TIE1: variants seen among roughly 807,000 people sequenced by gnomAD.
TIE1 encodes tyrosine kinase with immunoglobulin like and EGF like domains 1.
In TIE1, 89 loss-of-function variants were observed where a neutral mutation model predicts 130.5. That is an observed-to-expected ratio of 0.68 (90% CI 0.57 to 0.81). TIE1 has a LOEUF of 0.81. Ranked by LOEUF, TIE1 falls within the 40% of genes least tolerant of loss-of-function variation. The probability of loss-of-function intolerance (pLI) is 0.00; values close to 1 mark genes in which losing one functional copy is unlikely to be tolerated. For missense variants in TIE1, 1,392 were observed against 1,559.8 expected, an observed-to-expected ratio of 0.89 and a Z score of 1.81; for synonymous variants, 568 against 629.4, an observed-to-expected ratio of 0.90 and a Z score of 1.46.
chr1:43,307,742 G>A lies in TIE1; in HGVS notation c.914-54G>A. 2 of 1,609,700 alleles carry A rather than the reference G, an allele frequency of 1.2e-6. No individual in the cohort carries two copies. The highest frequency in any genetic ancestry group is 1.7e-5 in the Admixed American group (1 of 59,886). ...GTGCCCCATCTGCGCCCTCATCTGT[G>A]CCCTCATTGCCCCCTGTCCCATGCC... is the stretch of plus-strand genomic sequence containing the variant. On this transcript the variant is annotated intron_variant, in intron 6 of 22. Coordinates refer to ENST00000372476, the MANE Select transcript of TIE1 (RefSeq NM_005424.5). This position sits in a 1 kb window ranked among gnomAD's most constrained non-coding sequence, Gnocchi z 5.4.
intron 1 of TIE1, 94 bp from the exon 2 acceptor site, chr1:43,304,757 G>T: frequency 7.8e-7 from 1 of 1,284,968 alleles, no homozygotes; most frequent in South Asian, 2.2e-5. Flanking sequence ...CTGAGTGGAC[G>T]GTGGATCAGT....
chr1:43,317,218 A>G lies in TIE1; in HGVS notation c.2429A>G (p.Gln810Arg), dbSNP rs1165351698. 6.2e-7 allele frequency: 1 copy of G among 1,613,974 alleles called. No homozygotes were observed. Among genetic ancestry groups the G allele is most frequent in the Non-Finnish European group, 8.5e-7 (1 of 1,180,038 alleles). ...QSGSGEETIL[Q>R]FSSGTLTLTR... ...GTGAAGGGCGAGGAGACCATCCTGCAGTTCAGCTCAGGGACCTTGACACTT... is the reference window on the plus strand; with the variant it reads ...GTGAAGGGCGAGGAGACCATCCTGCGGTTCAGCTCAGGGACCTTGACACTT... Residue 810 changes from glutamine (Q) to arginine (R), a missense_variant, in exon 15 of 23, where the codon CAG becomes CGG. Coordinates refer to ENST00000372476, the MANE Select transcript of TIE1 (RefSeq NM_005424.5). The surrounding 1 kb of genome is among the most constrained non-coding windows in gnomAD (Gnocchi z 5.1).
chr1:43,304,936 CG>C lies in TIE1; in HGVS notation c.148del (p.Ala50ArgfsTer87). On this transcript the variant is annotated frameshift_variant, in exon 2 of 23. Transcript: ENST00000372476. LOFTEE classifies it high-confidence loss of function. ...TCCTGACTTGCGTGTCTGGGGAGGC[CG>C]GGGCGGGGAGGGGCTCGGACGCCTG... ...FFLTCVSGEA[G>X]AGRGSDAWGP... 2 of 1,445,232 alleles carry C rather than the reference CG, an allele frequency of 1.4e-6. No homozygotes were observed. 89.5% of individuals were successfully genotyped at this position (1,445,232 alleles called of 1,614,324 possible).
Position 43,307,830 on chromosome 1 carries a change from A to G in TIE1, c.948A>G (p.Arg316=). ...CTGGTCATTTTGGGGCTGATTGCCG[A>G]CTCCAGTGCCAGTGTCAGAATGGTG... ...CAPGHFGADC[R]LQCQCQNGGT... is the part of the protein sequence containing the mutation. The change falls in exon 7 of 23, where the codon CGA becomes CGG. Residue 316 remains arginine (R), a synonymous_variant. Transcript: ENST00000372476. The surrounding 1 kb of genome is among the most constrained non-coding windows in gnomAD (Gnocchi z 5.4). The G allele has an allele frequency of 6.2e-7, 1 of 1,613,476 alleles. No homozygotes were observed. The highest frequency in any genetic ancestry group is 8.5e-7 in the Non-Finnish European group (1 of 1,179,864).
At position 43,307,084 on chromosome 1, in the gene TIE1, C is replaced by A. The variant is rs753123731; in HGVS notation, c.641-58C>A. 1 of 1,613,214 alleles carries A rather than the reference C, an allele frequency of 6.2e-7. No homozygotes were observed. ...TGTGGGTCCCCTGGAGCCCCTGGATCTCCAGTCCTCAGTGGTCAGGTGGGT... is the reference window on the plus strand; with the variant it reads ...TGTGGGTCCCCTGGAGCCCCTGGATATCCAGTCCTCAGTGGTCAGGTGGGT... On this transcript the variant is annotated intron_variant, in intron 4 of 22. Transcript: ENST00000372476. This position sits in a 1 kb window ranked among gnomAD's most constrained non-coding sequence, Gnocchi z 5.4.
rs1646891903 is a variant in TIE1, at chr1:43,319,421, T to G, written c.3037-38T>G. On this transcript the variant is annotated intron_variant, in intron 18 of 22. Transcript: ENST00000372476. The surrounding 1 kb of genome is among the most constrained non-coding windows in gnomAD (Gnocchi z 4.7). The stretch of plus-strand genomic sequence containing the variant: ...CCCACAGGAGCCTCAAACAGGCCCT[T>G]CCTCCACACTCAGCCCCTCAAACCC... 1 of 1,613,292 alleles carries G rather than the reference T, an allele frequency of 6.2e-7. No homozygotes were observed. Among genetic ancestry groups the G allele is most frequent in the Non-Finnish European group, 8.5e-7 (1 of 1,179,370 alleles).
intron 7 of TIE1, 45 bp from the exon 8 acceptor site, chr1:43,308,941 G>T: frequency 6.2e-7 from 1 of 1,613,804 alleles, no homozygotes. Context: ...GTGGTCACGT[G>T]TCTGCCCCTG....
rs771232007 is a variant in TIE1 at position 43,305,116 on chromosome 1, T to G, written c.324T>G (p.Gly108=). Residue 108 remains glycine, a synonymous_variant, in exon 2 of 23, where the codon GGT becomes GGG. Transcript: ENST00000372476. ...DLVGVFSCVG[G]AGARRTRVIY... ...TGGGCGTCTTCTCCTGCGTGGGCGG[T>G]GCTGGGGCGCGGCGCACGCGCGTCA... The G allele has an allele frequency of 4.3e-6, 7 of 1,613,500 alleles. No individual in the cohort carries two copies. Among genetic ancestry groups the G allele is most frequent in the Middle Eastern group, 3.3e-4 (2 of 6,062 alleles).
chr1:43,312,329 AG>A lies in TIE1; in HGVS notation c.1658del (p.Gly553AlafsTer12), dbSNP rs1296647482. ...GAGCCTTTGTTGCAGCCGTGGTTGG[AG>A]GGCTGGCATGTGGAAGGCACTGACC... The part of the protein sequence containing the change: ...CPEPLLQPWL[E>X]GWHVEGTDRL... On this transcript the variant is annotated frameshift_variant, in exon 12 of 23. Transcript: ENST00000372476. LOFTEE classifies it high-confidence loss of function. This position sits in a 1 kb window ranked among gnomAD's most constrained non-coding sequence, Gnocchi z 5.6. The A allele has an allele frequency of 1.3e-6, 2 of 1,554,330 alleles. No homozygotes were observed.
intron 1 of TIE1, 126 bp from the exon 2 acceptor site, chr1:43,304,725 G>A: frequency 2.0e-6 from 2 of 1,010,128 alleles, no homozygotes; most frequent in Non-Finnish European, 2.6e-6. Context: ...AAGGAAGAGG[G>A]GTGAAGGTTG....
In TIE1 at chr1:43,313,017, G is replaced by C; in HGVS notation, c.1928-118G>C. ...CTGGTGGGGAGGAGGAAGTTGGCAG[G>C]GTGGCCCCTGTGCTTGGACCCACAG... is the stretch of plus-strand genomic sequence containing the variant. On this transcript the variant is annotated intron_variant, in intron 12 of 22. Coordinates refer to ENST00000372476, the MANE Select transcript of TIE1 (RefSeq NM_005424.5). This position sits in a 1 kb window ranked among gnomAD's most constrained non-coding sequence, Gnocchi z 6.2. 1 of 1,216,378 alleles carries C rather than the reference G, an allele frequency of 8.2e-7. No homozygotes were observed. The highest frequency in any genetic ancestry group is 1.1e-6 in the Non-Finnish European group (1 of 872,800). The allele number at this position is 1,216,378 out of a possible 1,614,324, so 75.3% of individuals were successfully genotyped here.
In TIE1 at chr1:43,322,836, A is replaced by G; in HGVS notation, c.*114A>G. The G allele has an allele frequency of 1.0e-6, 1 of 990,564 alleles. No homozygotes were observed. Among genetic ancestry groups the G allele is most frequent in the Non-Finnish European group, 1.5e-6 (1 of 665,210 alleles). 61.4% of individuals were successfully genotyped at this position (990,564 alleles called of 1,614,324 possible). ...TTAAGCTGCCTCAAGGAATTTTTTTAACTTAAGGGAGAAAAAAAGGGATCT... is the reference window on the plus strand; with the variant it reads ...TTAAGCTGCCTCAAGGAATTTTTTTGACTTAAGGGAGAAAAAAAGGGATCT... On this transcript the variant is annotated 3_prime_UTR_variant, in exon 23 of 23. Transcript: ENST00000372476. The surrounding 1 kb of genome is among the most constrained non-coding windows in gnomAD (Gnocchi z 4.0).
Position 43,322,871 on chromosome 1 carries a change from G to A in TIE1, c.*149G>A, listed in dbSNP as rs1247497713. Reference sequence around the variant, plus strand: ...AGAAAAAAAGGGATCTGGGGATGGGGTGGGCTTAGGGGAACTGGGTTCCCA... The same window carrying A: ...AGAAAAAAAGGGATCTGGGGATGGGATGGGCTTAGGGGAACTGGGTTCCCA... On this transcript the variant is annotated 3_prime_UTR_variant, in exon 23 of 23. Transcript: ENST00000372476. This position sits in a 1 kb window ranked among gnomAD's most constrained non-coding sequence, Gnocchi z 4.0. 1.6e-5 allele frequency: 11 copies of A among 682,144 alleles called. No homozygotes were observed. In the East Asian group the frequency reaches 3.1e-4, roughly 19 times the overall value. The allele number at this position is 682,144 out of a possible 1,614,324, so 42.3% of individuals were successfully genotyped here.
rs200239321 is a variant in TIE1 at position 43,313,450 on chromosome 1, C to T, written c.2218+25C>T. On this transcript the variant is annotated intron_variant, in intron 13 of 22. Coordinates refer to ENST00000372476, the MANE Select transcript of TIE1 (RefSeq NM_005424.5). The surrounding 1 kb of genome is among the most constrained non-coding windows in gnomAD (Gnocchi z 6.2). ...GGTGAGAGGGCAGGGCCCACAGGAC[C>T]CCCCGGGCTCTGAGCGGGGAGAGCT... 124 of 1,612,336 alleles carry T rather than the reference C, an allele frequency of 7.7e-5. No individual in the cohort carries two copies. In the East Asian group the frequency reaches 2.7e-3, roughly 35 times the overall value.
rs991879461 is a variant in TIE1, at chr1:43,309,460, A to T, written c.1261A>T (p.Ser421Cys). ...GGTGCCCCGCTTGGTTCTTGCGGAC[A>T]GTGGGTTCTGGGAGTGCCGTGTGTC... is the stretch of plus-strand genomic sequence containing the variant. ...FEVPRLVLADSGFWECRVSTS... is the reference protein window; with the variant it reads ...FEVPRLVLADCGFWECRVSTS... Residue 421 changes from serine (S) to cysteine (C), a missense_variant, in exon 9 of 23, where the codon AGT becomes TGT. Ser to Cys is a moderately radical substitution (Grantham distance 112). Coordinates refer to ENST00000372476, the MANE Select transcript of TIE1 (RefSeq NM_005424.5). This position sits in a 1 kb window ranked among gnomAD's most constrained non-coding sequence, Gnocchi z 6.3. The T allele has an allele frequency of 2.5e-6, 4 of 1,612,146 alleles. No individual in the cohort carries two copies. Among genetic ancestry groups the T allele is most frequent in the Non-Finnish European group, 3.4e-6 (4 of 1,179,218 alleles).
rs992518453 is a variant in TIE1, at chr1:43,323,063, T to G, written c.*341T>G. 8.0e-6 allele frequency: 2 copies of G among 248,742 alleles called. No individual in the cohort carries two copies. The highest frequency in any genetic ancestry group is 4.4e-5 in the African/African-American group (2 of 45,014). The allele number at this position is 248,742 out of a possible 1,614,324, so 15.4% of individuals were successfully genotyped here. ...ACATGCCCTGTTCAGCTACTCCCAC[T>G]CCCGGCCTGTCATTCAGAAAAAAAT... On this transcript the variant is annotated 3_prime_UTR_variant, in exon 23 of 23. Coordinates refer to ENST00000372476, the MANE Select transcript of TIE1 (RefSeq NM_005424.5).
intron 1 of TIE1, 59 bp from the exon 2 acceptor site, chr1:43,304,792 G>A (rs900969140): frequency 6.5e-6 from 9 of 1,375,386 alleles, no homozygotes; most frequent in Non-Finnish European, 8.4e-6. Context: ...GGGGCTGGGG[G>A]CTCTGGGGCA....
rs772122846 is a variant in TIE1 at position 43,317,986 on chromosome 1, G to T, written c.2836G>T (p.Gly946Trp). ...TGACCCAGCTTTTGCTCGAGAGCAT[G>T]GGACAGCCTCTACCCTTAGCTCCCG... ...ETDPAFAREH[G>W]TASTLSSRQL... The change falls in exon 17 of 23, where the codon GGG becomes TGG. Residue 946 changes from glycine to tryptophan, a missense_variant. By Grantham distance (184) the Gly-to-Trp change is radical. Coordinates refer to ENST00000372476, the MANE Select transcript of TIE1 (RefSeq NM_005424.5). This position sits in a 1 kb window ranked among gnomAD's most constrained non-coding sequence, Gnocchi z 5.1. 3.5e-5 allele frequency: 57 copies of T among 1,610,996 alleles called. 3 individuals are homozygous for T. The South Asian group carries it at 6.3e-4, about 18-fold the overall frequency.
At position 43,317,388 on chromosome 1, in the gene TIE1, G is replaced by A. The variant is rs1646869384; in HGVS notation, c.2599G>A (p.Ala867Thr). The change falls in exon 15 of 23, where the codon GCA becomes ACA. Residue 867 changes from alanine (A) to threonine (T), a missense_variant. Around this residue, in one of 6 missense-constraint regions of TIE1, gnomAD observed 286 missense variants for 354.4 expected, o/e 0.81. Transcript: ENST00000372476. This position sits in a 1 kb window ranked among gnomAD's most constrained non-coding sequence, Gnocchi z 5.1. ...CAAGAAGGACGGGCTGAAGATGAAC[G>A]CAGCCATCAAAATGCTGAAAGGTCC... ...MIKKDGLKMN[A>T]AIKMLKEYAS... The A allele has an allele frequency of 2.5e-6, 4 of 1,614,036 alleles. No homozygotes were observed. Among genetic ancestry groups the A allele is most frequent in the East Asian group, 2.2e-5 (1 of 44,856 alleles).
Sources: allele counts gnomAD v4.1 joint callset, GRCh38; gene constraint gnomAD v4.1.1; regional missense constraint gnomAD v4.1.1; non-coding constraint Gnocchi (gnomAD v3.1); transcripts MANE v1.5; gene names NCBI Gene and HGNC (gene_info 2026-07-23, HGNC 2026-07-21).